Variants in CEP112 observed in about 807,000 individuals in gnomAD.
CEP112 encodes the protein centrosomal protein 112, also known as centrosomal protein of 112 kDa.
In CEP112, 127 loss-of-function variants were observed where a neutral mutation model predicts 153.0. That is an observed-to-expected ratio of 0.83 (90% CI 0.72 to 0.96). The LOEUF is 0.96. Among genes scored for constraint, CEP112 ranks in the 40% least tolerant of loss-of-function variants. The pLI, the probability that CEP112 is intolerant of heterozygous loss-of-function variation, is 0.00. For synonymous variants in CEP112, 358 were observed against 374.4 expected, an observed-to-expected ratio of 0.96 and a Z score of 0.51; for missense variants, 1,089 against 1,101.2, an observed-to-expected ratio of 0.99 and a Z score of 0.16.
chr17:65,697,235 C>T (rs1159561509), intron 23 of CEP112, among the ~76,000 whole-genome samples: 2 of 152,096 alleles, frequency 1.3e-5, no homozygotes, highest in African/African-American at 4.8e-5. Context: ...TTCAGACAGA[C>T]GTGATGCCTG....
intron 21 of CEP112, among the ~76,000 whole-genome samples, chr17:65,788,446 T>A (rs1568014823): frequency 2.6e-5 from 4 of 152,194 alleles, no homozygotes; most frequent in Admixed American, 1.3e-4. Flanking sequence ...CTTTTTTTCC[T>A]GTCACAGATT....
intron 16 of CEP112, among the ~76,000 whole-genome samples, chr17:66,025,571 T>TA (rs1449348188): frequency 3.3e-5 from 5 of 151,850 alleles, no homozygotes; most frequent in Non-Finnish European, 7.4e-5. Flanking sequence ...CACTGAATAT[T>TA]AGAGAAATGC....
chr17:65,899,199 A>G (rs887498709), intron 20 of CEP112, among the ~76,000 whole-genome samples: 3 of 152,180 alleles, frequency 2.0e-5, no homozygotes, highest in Non-Finnish European at 4.4e-5. Flanking sequence ...TTCGACAATG[A>G]GGTTATGAAT....
chr17:65,741,022 CAAGT>C (rs1211442265), intron 23 of CEP112, among the ~76,000 whole-genome samples: 1 of 152,146 alleles, frequency 6.6e-6, no homozygotes, highest in Non-Finnish European at 1.5e-5. Context: ...TTGAGGCTCT[CAAGT>C]AAGACAGATT....
rs9911719 is a variant in CEP112, at chr17:65,753,708, T to A, written c.2395-2984A>T. Among the ~76,000 whole-genome samples the A allele has an allele frequency of 3.8e-3, 575 of 152,342 alleles. 5 individuals are homozygous for A. The highest frequency in any genetic ancestry group is 0.013 in the African/African-American group (555 of 41,580). On this transcript the variant is annotated intron_variant, in intron 21 of 26. Transcript: ENST00000535342. ...TGCTTAATAAAGTATTTGTTGCTTT[T>A]AAAATAAACGCTTAATAGAACTCAT...
intron 23 of CEP112, among the ~76,000 whole-genome samples, chr17:65,717,638 C>T (rs2049608201): frequency 1.3e-5 from 2 of 152,160 alleles, no homozygotes; most frequent in South Asian, 4.1e-4. Context: ...GGATGCTATA[C>T]AGTAAATACA....
At chr17:66,076,644 G>T (rs1206349059) in intron 8 of CEP112, among the ~76,000 whole-genome samples, 1 of 152,132 alleles carries the variant, frequency 6.6e-6, no homozygotes, top group African/African-American at 2.4e-5. Flanking sequence ...AAGACAAAGG[G>T]CACATACTCT....
chr17:65,886,973 A>T (rs1014007834), intron 20 of CEP112, among the ~76,000 whole-genome samples: 1 of 152,198 alleles, frequency 6.6e-6, no homozygotes, highest in Non-Finnish European at 1.5e-5. Context: ...GGAGGGACTT[A>T]GAGTATTTCC....
chr17:65,774,310 T>C (rs988857402), intron 21 of CEP112, among the ~76,000 whole-genome samples: 1 of 152,078 alleles, frequency 6.6e-6, no homozygotes, highest in Non-Finnish European at 1.5e-5. Flanking sequence ...GCCTTCTCCA[T>C]TAAGCCTGGG....
intron 12 of CEP112, among the ~76,000 whole-genome samples, chr17:66,030,377 T>C (rs1402933395): frequency 6.6e-6 from 1 of 152,212 alleles, no homozygotes; most frequent in Non-Finnish European, 1.5e-5. Flanking sequence ...GTACGGCCAT[T>C]AGCTGACTAC....
intron 4 of CEP112, among the ~76,000 whole-genome samples, chr17:66,141,110 G>A (rs2070678276): frequency 6.7e-6 from 1 of 149,600 alleles, no homozygotes; most frequent in Non-Finnish European, 1.5e-5. Flanking sequence ...ACTTCCATTT[G>A]TTATAGCCAT....
intron 19 of CEP112, among the ~76,000 whole-genome samples, chr17:65,907,331 G>A (rs142660629): frequency 6.6e-5 from 10 of 152,130 alleles, no homozygotes; most frequent in African/African-American, 1.7e-4. Context: ...AGGAAATAGC[G>A]GTTATCACAT....
At chr17:66,040,846 C>T (rs1373083) in intron 12 of CEP112, among the ~76,000 whole-genome samples, 149,814 of 152,248 alleles carry the variant, frequency 0.98, 73,758 homozygotes, top group Middle Eastern at 1. Flanking sequence ...TTTAATATAT[C>T]CTAATTTATT....
intron 21 of CEP112, among the ~76,000 whole-genome samples, chr17:65,791,016 C>T (rs1201279682): frequency 6.6e-6 from 1 of 151,744 alleles, no homozygotes; most frequent in African/African-American, 2.4e-5. Context: ...CCCAATTACA[C>T]TTTATTTTGA....
intron 23 of CEP112, among the ~76,000 whole-genome samples, chr17:65,699,951 G>A (rs1294087609): frequency 1.3e-5 from 2 of 152,244 alleles, no homozygotes; most frequent in Admixed American, 1.3e-4. Context: ...TGATGATCCA[G>A]TGGCCTTTTC....
At chr17:66,103,950 G>C (rs573853789) in intron 6 of CEP112, among the ~76,000 whole-genome samples, 39 of 152,248 alleles carry the variant, frequency 2.6e-4, no homozygotes, top group Admixed American at 2.4e-3. Context: ...CCTAGCCAGA[G>C]GCAAATCATT....
intron 8 of CEP112, among the ~76,000 whole-genome samples, chr17:66,076,375 G>C (rs925502895): frequency 6.6e-6 from 1 of 152,140 alleles, no homozygotes; most frequent in Non-Finnish European, 1.5e-5. Context: ...GGGACATGGT[G>C]GGGGTGAGAC....
chr17:65,909,793 C>T (rs1281912423), intron 19 of CEP112, among the ~76,000 whole-genome samples: 2 of 152,178 alleles, frequency 1.3e-5, no homozygotes, highest in Non-Finnish European at 2.9e-5. Flanking sequence ...AGAGAAGATT[C>T]TGACATGGTT....
intron 12 of CEP112, among the ~76,000 whole-genome samples, chr17:66,035,729 T>G (rs1568412587): frequency 6.6e-6 from 1 of 152,190 alleles, no homozygotes; most frequent in Non-Finnish European, 1.5e-5. Context: ...ATGGGACTAA[T>G]GTGCAGCTCT....
Sources: allele counts gnomAD v4.1 joint callset (sites outside exome capture counted in the v4.1 genomes callset), GRCh38; gene constraint gnomAD v4.1.1; transcripts MANE v1.5; gene names NCBI Gene and HGNC (gene_info 2026-07-23, HGNC 2026-07-21).